Variants in RAB38 observed in about 807,000 individuals in gnomAD.
The protein encoded by RAB38 is RAB38, member RAS oncogene family.
RAB38 carries 15 observed loss-of-function variants against 18.4 expected under a neutral mutation model. The observed-to-expected ratio is 0.82, with a 90% confidence interval of 0.55 to 1.26. The LOEUF is 1.26. Ranked by LOEUF, RAB38 falls within the 50% of genes most tolerant of loss-of-function variation. The probability of loss-of-function intolerance (pLI) is 0.00; values close to 1 mark genes in which losing one functional copy is unlikely to be tolerated. For synonymous variants in RAB38, 101 were observed against 104.4 expected, an observed-to-expected ratio of 0.97 and a Z score of 0.20; for missense variants, 294 against 267.4, an observed-to-expected ratio of 1.10 and a Z score of -0.69.
At chr11:88,111,091 T>G (rs1942467690), downstream of RAB38, among the ~76,000 whole-genome samples, 1 of 152,240 alleles carries the variant, frequency 6.6e-6, no homozygotes, top group African/African-American at 2.4e-5. Flanking sequence ...CGTGATGCCA[T>G]AATTAATATT....
chr11:87,888,948 G>C, the RAB38 span, among the ~76,000 whole-genome samples: 1 of 151,894 alleles, frequency 6.6e-6, no homozygotes, highest in Admixed American at 6.6e-5. Context: ...GTGATGCTTA[G>C]ACAAAACATT....
chr11:87,955,204 T>C, the RAB38 span, among the ~76,000 whole-genome samples: 2 of 152,218 alleles, frequency 1.3e-5, no homozygotes, highest in South Asian at 2.1e-4. Context: ...CATGCTTTCA[T>C]TTATTTTTTC....
At chr11:87,900,494 T>C in the RAB38 span, among the ~76,000 whole-genome samples, 1 of 151,698 alleles carries the variant, frequency 6.6e-6, no homozygotes, top group East Asian at 2.0e-4. Context: ...CAAGCAAATG[T>C]CTGAAGATAG....
intron 2 of RAB38, chr11:88,115,895 A>C (rs1942544605): frequency 6.6e-6 from 1 of 152,162 alleles, no homozygotes; most frequent in African/African-American, 2.4e-5. Context: ...TTTTTTGTCC[A>C]TATGGATTTT....
At chr11:87,941,212 G>GATATATATATATATAT in the RAB38 span, among the ~76,000 whole-genome samples, 771 of 37,566 alleles carry the variant, frequency 0.021, 88 homozygotes, top group Admixed American at 0.03. Context: ...ATAAATATAT[G>GATATATATATATATAT]AGATATATAT....
the RAB38 span, among the ~76,000 whole-genome samples, chr11:87,839,111 G>A: frequency 3.3e-5 from 5 of 152,154 alleles, no homozygotes; most frequent in East Asian, 1.9e-4. Flanking sequence ...GGAGCCTAGC[G>A]AAAGATCCTT....
At chr11:88,049,865 A>C in the RAB38 span, among the ~76,000 whole-genome samples, 3,083 of 152,332 alleles carry the variant, frequency 0.02, 102 homozygotes, top group African/African-American at 0.069. Flanking sequence ...TTTTTACTAC[A>C]GTGAATTCAA....
At chr11:88,117,355 T>C (rs540513706) in intron 2 of RAB38, among the ~76,000 whole-genome samples, 3 of 152,290 alleles carry the variant, frequency 2.0e-5, no homozygotes, top group African/African-American at 7.2e-5. Context: ...CAGATCTCTG[T>C]AGAGCCTTGA....
At chr11:87,931,392 A>T in the RAB38 span, among the ~76,000 whole-genome samples, 5 of 152,058 alleles carry the variant, frequency 3.3e-5, no homozygotes, top group East Asian at 9.7e-4. Context: ...ATTCCATATA[A>T]GATGAGAAGG....
the RAB38 span, among the ~76,000 whole-genome samples, chr11:87,973,489 G>A: frequency 2.6e-5 from 4 of 151,970 alleles, no homozygotes; most frequent in African/African-American, 9.7e-5. Context: ...ATGTGCCAAT[G>A]TTCTAGGTCT....
chr11:88,106,884 T>A, the RAB38 span, among the ~76,000 whole-genome samples: 1 of 152,152 alleles, frequency 6.6e-6, no homozygotes, highest in Non-Finnish European at 1.5e-5. Flanking sequence ...ACAGCTCAGA[T>A]GCAGCCAAGT....
the RAB38 span, among the ~76,000 whole-genome samples, chr11:88,091,160 C>A: frequency 6.6e-6 from 1 of 151,922 alleles, no homozygotes; most frequent in African/African-American, 2.4e-5. Context: ...AAGTTTTATT[C>A]CCTAGCTCAC....
the RAB38 span, among the ~76,000 whole-genome samples, chr11:88,025,521 C>A: frequency 8.5e-5 from 13 of 152,294 alleles, no homozygotes; most frequent in Admixed American, 7.8e-4. Context: ...TCCCTTTTCT[C>A]TGCAGCCTTG....
At chr11:87,954,750 G>A in the RAB38 span, among the ~76,000 whole-genome samples, 1 of 152,084 alleles carries the variant, frequency 6.6e-6, no homozygotes, top group African/African-American at 2.4e-5. Context: ...TGGATTTGGT[G>A]CACTGCAGAA....
the RAB38 span, among the ~76,000 whole-genome samples, chr11:87,925,322 A>G: frequency 6.6e-6 from 1 of 152,070 alleles, no homozygotes; most frequent in Non-Finnish European, 1.5e-5. Flanking sequence ...AATTAATGCT[A>G]ACTTAAGGAA....
chr11:87,805,081 T>C, the RAB38 span, among the ~76,000 whole-genome samples: 2 of 152,214 alleles, frequency 1.3e-5, no homozygotes, highest in African/African-American at 2.4e-5. Flanking sequence ...AAGCAATATA[T>C]GCCCTCCCTC....
the RAB38 span, among the ~76,000 whole-genome samples, chr11:87,969,808 T>A: frequency 7.4e-4 from 112 of 152,280 alleles, no homozygotes; most frequent in African/African-American, 2.3e-3. Flanking sequence ...GCTTTTAGAA[T>A]TGGCAATTTT....
At chr11:87,835,417 C>CT in the RAB38 span, among the ~76,000 whole-genome samples, 1 of 152,136 alleles carries the variant, frequency 6.6e-6, no homozygotes, top group African/African-American at 2.4e-5. Context: ...GTCTCTATTT[C>CT]TTTTTTCTCC....
At chr11:87,960,270 T>G in the RAB38 span, among the ~76,000 whole-genome samples, 1 of 151,374 alleles carries the variant, frequency 6.6e-6, no homozygotes, top group South Asian at 2.1e-4. Flanking sequence ...GGGCCAAACC[T>G]AAGAATTGGC....
Sources: gnomAD v4.1 joint callset for allele counts (sites outside exome capture counted in the v4.1 genomes callset) on GRCh38, gnomAD v4.1.1 for gene constraint, MANE v1.5 for transcripts, NCBI Gene and HGNC (gene_info 2026-07-23, HGNC 2026-07-21) for gene names.